The following NHSL2 variants were observed in gnomAD, a reference collection of about 807,000 sequenced individuals.
NHSL2 encodes the protein NHS-like protein 2.
Under a neutral mutation model 53.4 loss-of-function variants are expected in NHSL2, and 27 were observed. The ratio of observed to expected loss-of-function variants is 0.51; its 90% CI spans 0.37 to 0.70. The LOEUF (loss-of-function observed/expected upper bound fraction) is 0.70, where lower values mean the gene tolerates loss of function less well. Among genes scored for constraint, NHSL2 ranks in the 30% least tolerant of loss-of-function variants. The pLI, the probability that NHSL2 is intolerant of heterozygous loss-of-function variation, is 0.00. For missense variants in NHSL2, 892 were observed against 980.1 expected (o/e 0.91, Z 1.20); for synonymous variants, 408 against 404.1 (o/e 1.01, Z -0.12).
chrX:72,059,576 C>T (rs897991144), intron 1 of NHSL2, among the ~76,000 whole-genome samples: 12 of 112,122 alleles, frequency 1.1e-4, no homozygotes, highest in Non-Finnish European at 1.9e-4. Flanking sequence ...CTCCAAACCT[C>T]ATTTTACTGG....
chrX:71,915,022 C>T (rs1333686293), intron 1 of NHSL2, among the ~76,000 whole-genome samples: 1 of 110,645 alleles, frequency 9.0e-6, no homozygotes, highest in Non-Finnish European at 1.9e-5. Context: ...TCCCACCCCA[C>T]CCTGCTTTCC....
At chrX:71,922,680 CAGAGG>C (rs1333641436) in intron 1 of NHSL2, among the ~76,000 whole-genome samples, 2 of 112,163 alleles carry the variant, frequency 1.8e-5, no homozygotes, top group East Asian at 5.6e-4. Flanking sequence ...TCAGCATCTT[CAGAGG>C]AATCTGTTTA....
chrX:72,055,303 T>G (rs2042363014), intron 1 of NHSL2, among the ~76,000 whole-genome samples: 1 of 112,315 alleles, frequency 8.9e-6, no homozygotes, highest in African/African-American at 3.2e-5. Flanking sequence ...TCTCCATCAC[T>G]GGCACGGTTG....
At chrX:72,050,890 CA>C (rs557133029) in intron 1 of NHSL2, among the ~76,000 whole-genome samples, 138 of 93,733 alleles carry the variant, frequency 1.5e-3, no homozygotes, top group Non-Finnish European at 8.5e-4. Flanking sequence ...CTCCATCTAT[CA>C]AAAAAAAAAA....
At chrX:72,004,669 C>A (rs1466380615) in intron 1 of NHSL2, among the ~76,000 whole-genome samples, 6 of 108,923 alleles carry the variant, frequency 5.5e-5, no homozygotes, top group African/African-American at 2.0e-4. Context: ...ACCACCCCCG[C>A]AGCCCCCTAC....
chrX:71,966,027 A>G (rs976109036), intron 1 of NHSL2: 14 of 112,611 alleles, frequency 1.2e-4, no homozygotes, highest in African/African-American at 4.2e-4. Context: ...AGGCCATGCT[A>G]ATCTTCTCTG....
In NHSL2 at chrX:72,148,781, T is replaced by C. The variant is rs2042483161; in HGVS notation, c.*5207T>C. On this transcript the variant is annotated 3_prime_UTR_variant, in exon 8 of 8. Coordinates refer to ENST00000633930, the MANE Select transcript of NHSL2 (RefSeq NM_001013627.3). ...TAGGCCAATGGTTCTCAAAGTGCAG[T>C]TCCAGGAGCAGCAACAGCAGCATCC... The C allele has an allele frequency of 9.2e-6, 1 of 109,266 alleles. No individual in the cohort carries two copies. Among genetic ancestry groups the C allele is most frequent in the African/African-American group, 3.4e-5 (1 of 29,841 alleles). The allele number at this position is 109,266 out of a possible 1,213,427, so 9.0% of individuals were successfully genotyped here. A position where few individuals can be genotyped will look rare whatever the true frequency, so the allele number is the denominator to read the frequency against.
chrX:72,042,445 G>A (rs2042280053), intron 1 of NHSL2, among the ~76,000 whole-genome samples: 1 of 111,648 alleles, frequency 9.0e-6, no homozygotes, highest in South Asian at 3.7e-4. Context: ...TAAGTTTCTG[G>A]CCTCACTGCT....
intron 1 of NHSL2, among the ~76,000 whole-genome samples, chrX:71,924,189 G>A (rs765509702): frequency 5.4e-5 from 6 of 111,722 alleles, no homozygotes; most frequent in South Asian, 3.8e-4. Flanking sequence ...TGCAGACCTC[G>A]CTACAGACCC....
At chrX:72,107,939 AT>A (rs1377214812) in intron 1 of NHSL2, among the ~76,000 whole-genome samples, 4 of 112,142 alleles carry the variant, frequency 3.6e-5, no homozygotes, top group Non-Finnish European at 7.5e-5. Context: ...AAGAGCTGAT[AT>A]GACTTGTGTG....
At chrX:72,095,591 A>C (rs745642971) in intron 1 of NHSL2, among the ~76,000 whole-genome samples, 18 of 112,399 alleles carry the variant, frequency 1.6e-4, no homozygotes, top group Non-Finnish European at 2.6e-4. Context: ...GGGAATCCCC[A>C]CAGGACTTGC....
chrX:71,911,273 G>GCGCCGCACAGACAGCCTGTAC lies in NHSL2; in HGVS notation c.189_209dup (p.Asp66_Thr72dup). On this transcript the variant is annotated inframe_insertion, in exon 1 of 8. Transcript: ENST00000633930. ...TCGAGGGGCACCTGCTGGCCCTGGG[G>GCGCCGCACAGACAGCCTGTAC]CGCCGCACAGACAGCCTGTACCGGC... is the stretch of plus-strand genomic sequence containing the variant. 1 of 1,142,824 alleles carries GCGCCGCACAGACAGCCTGTAC rather than the reference G, an allele frequency of 8.8e-7. No individual in the cohort carries two copies. Among genetic ancestry groups the GCGCCGCACAGACAGCCTGTAC allele is most frequent in the Non-Finnish European group, 1.2e-6 (1 of 865,767 alleles). 94.2% of individuals were successfully genotyped at this position (1,142,824 alleles called of 1,213,427 possible).
At chrX:72,088,029 G>A (rs1366741757) in intron 1 of NHSL2, among the ~76,000 whole-genome samples, 2 of 110,856 alleles carry the variant, frequency 1.8e-5, no homozygotes, top group African/African-American at 3.3e-5. Flanking sequence ...TCGGGAATTC[G>A]AGACCAGCCT....
chrX:71,986,542 TA>T (rs1185499868), intron 1 of NHSL2, among the ~76,000 whole-genome samples: 2 of 112,443 alleles, frequency 1.8e-5, no homozygotes, highest in African/African-American at 6.5e-5. Context: ...TATCTTTTCA[TA>T]TTATGTAAAA....
At chrX:71,982,385 T>C (rs769669405) in intron 1 of NHSL2, among the ~76,000 whole-genome samples, 10 of 111,973 alleles carry the variant, frequency 8.9e-5, no homozygotes, top group Non-Finnish European at 1.9e-4. Flanking sequence ...TTATGAAATA[T>C]ATATTTGGTC....
chrX:71,957,887 T>G (rs781394509), intron 1 of NHSL2, among the ~76,000 whole-genome samples: 24 of 111,281 alleles, frequency 2.2e-4, no homozygotes, highest in Non-Finnish European at 3.8e-4. Flanking sequence ...GACAAGCACA[T>G]AAATAACTGT....
At chrX:71,917,256 TC>T (rs1350890530) in intron 1 of NHSL2, among the ~76,000 whole-genome samples, 5 of 41,679 alleles carry the variant, frequency 1.2e-4, no homozygotes, top group East Asian at 9.5e-4. Flanking sequence ...CCTCTCTCCC[TC>T]CCCCCTCCCT....
intron 1 of NHSL2, among the ~76,000 whole-genome samples, chrX:72,085,072 T>C (rs1207182235): frequency 8.9e-6 from 1 of 111,954 alleles, no homozygotes; most frequent in East Asian, 2.8e-4. Context: ...GGCCTTCTAT[T>C]ATGACCCTTC....
At position 72,091,158 on chromosome X, in the gene NHSL2, A is replaced by C. The variant is rs138908736; in HGVS notation, c.281-40921A>C. ...TTGGGTGAACAGGAATGTGCATTAA[A>C]ATTTTTGACAGTTAGCCGGGCGCAG... On this transcript the variant is annotated intron_variant, in intron 1 of 7. Transcript: ENST00000633930. 9.1e-3 allele frequency among the ~76,000 whole-genome samples: 1,023 copies of C among 112,405 alleles called. 12 individuals carry two copies. Among genetic ancestry groups the C allele is most frequent in the African/African-American group, 0.032 (978 of 30,934 alleles).
Sources: allele counts gnomAD v4.1 joint callset (sites outside exome capture counted in the v4.1 genomes callset), GRCh38; gene constraint gnomAD v4.1.1; transcripts MANE v1.5; gene names NCBI Gene and HGNC (gene_info 2026-07-23, HGNC 2026-07-21).